Variants in ECT2L observed in about 807,000 individuals in gnomAD.
ECT2L encodes epithelial cell transforming 2 like.
ECT2L carries 126 observed loss-of-function variants against 122.8 expected under a neutral mutation model. The ratio of observed to expected loss-of-function variants is 1.03; its 90% CI spans 0.89 to 1.19. The LOEUF (loss-of-function observed/expected upper bound fraction) is 1.19, where lower values mean the gene tolerates loss of function less well. ECT2L is among the 50% of genes most tolerant of loss of function. The pLI is 0.00. For missense variants in ECT2L, 1,012 were observed against 1,064.1 expected, an observed-to-expected ratio of 0.95 and a Z score of 0.68; for synonymous variants, 385 against 381.8, an observed-to-expected ratio of 1.01 and a Z score of -0.10.
chr6:138,901,209 G>T, intron 21 of ECT2L, 89 bp downstream of exon 21: 1 of 1,332,748 alleles, frequency 7.5e-7, no homozygotes, highest in Non-Finnish European at 1.0e-6. Context: ...AAAAGGACTG[G>T]AATTATAATT....
chr6:138,855,243 C>T (rs910678371), intron 10 of ECT2L, among the ~76,000 whole-genome samples: 1 of 151,978 alleles, frequency 6.6e-6, no homozygotes, highest in Non-Finnish European at 1.5e-5. Flanking sequence ...TGTGGTGGCT[C>T]ACACCTGTAA....
chr6:138,898,877 T>C (rs1408977546), intron 20 of ECT2L, among the ~76,000 whole-genome samples: 1 of 152,128 alleles, frequency 6.6e-6, no homozygotes, highest in Non-Finnish European at 1.5e-5. Context: ...TTTTTTGATA[T>C]ACATACATAC....
At chr6:138,873,850 G>A (rs867104379) in intron 13 of ECT2L, among the ~76,000 whole-genome samples, 5 of 143,400 alleles carry the variant, frequency 3.5e-5, no homozygotes, top group Non-Finnish European at 7.5e-5. Context: ...TGTGTAATAC[G>A]GATTATCTGT....
intron 10 of ECT2L, among the ~76,000 whole-genome samples, chr6:138,854,481 C>T (rs1016566288): frequency 2.6e-5 from 4 of 152,002 alleles, no homozygotes; most frequent in Non-Finnish European, 5.9e-5. Flanking sequence ...TCATTCAATC[C>T]GAGAAAACAC....
At chr6:138,811,431 C>A (rs1238100494) in intron 1 of ECT2L, among the ~76,000 whole-genome samples, 1 of 152,176 alleles carries the variant, frequency 6.6e-6, no homozygotes, top group African/African-American at 2.4e-5. Flanking sequence ...TGAGATGTAT[C>A]CCCTTTCCCC....
chr6:138,849,889 T>G (rs1777372883), intron 9 of ECT2L, among the ~76,000 whole-genome samples: 4 of 152,128 alleles, frequency 2.6e-5, no homozygotes, highest in African/African-American at 9.7e-5. Context: ...TTTTTTCAAA[T>G]TTTGATTAAA....
chr6:138,810,954 T>G (rs1040606101), intron 1 of ECT2L, among the ~76,000 whole-genome samples: 2 of 152,190 alleles, frequency 1.3e-5, no homozygotes, highest in African/African-American at 4.8e-5. Context: ...GTTCTGCATA[T>G]GGGAAAGGAA....
chr6:138,843,721 TCTCA>T (rs1489017614), intron 6 of ECT2L, among the ~76,000 whole-genome samples: 5 of 152,090 alleles, frequency 3.3e-5, no homozygotes, highest in African/African-American at 9.7e-5. Flanking sequence ...TGAGACAGGG[TCTCA>T]CTGTCACCCA....
At chr6:138,851,776 C>T (rs956695672) in intron 9 of ECT2L, among the ~76,000 whole-genome samples, 2 of 152,118 alleles carry the variant, frequency 1.3e-5, no homozygotes, top group African/African-American at 4.8e-5. Flanking sequence ...ATTTCATTTT[C>T]ACTGTGTTGA....
intron 11 of ECT2L, 58 bp downstream of exon 11, chr6:138,862,777 C>T (rs1422439610): frequency 1.6e-5 from 23 of 1,435,348 alleles, no homozygotes; most frequent in Non-Finnish European, 2.0e-5. Context: ...TCCAGAATCA[C>T]CAAAAGACAA....
intron 1 of ECT2L, among the ~76,000 whole-genome samples, chr6:138,802,059 G>A (rs1478071582): frequency 2.0e-5 from 3 of 152,170 alleles, no homozygotes; most frequent in African/African-American, 4.8e-5. Context: ...TTGCCTGCCC[G>A]CTCTTGCTCT....
chr6:138,812,430 T>C (rs1422862624), intron 1 of ECT2L, among the ~76,000 whole-genome samples: 1 of 152,254 alleles, frequency 6.6e-6, no homozygotes, highest in Non-Finnish European at 1.5e-5. Flanking sequence ...TACATTAGCC[T>C]ATTTTATTTT....
At chr6:138,866,647 T>C (rs1488543284) in intron 12 of ECT2L, among the ~76,000 whole-genome samples, 2 of 152,212 alleles carry the variant, frequency 1.3e-5, no homozygotes, top group Non-Finnish European at 2.9e-5. Context: ...TATTAAATAA[T>C]ATATGTAGGC....
At chr6:138,856,493 A>G (rs1201559064) in intron 10 of ECT2L, among the ~76,000 whole-genome samples, 2 of 152,152 alleles carry the variant, frequency 1.3e-5, no homozygotes, top group African/African-American at 4.8e-5. Context: ...GATTACAGGC[A>G]TGAGCCACCA....
chr6:138,898,775 T>A (rs371909858), intron 20 of ECT2L, among the ~76,000 whole-genome samples: 81 of 152,296 alleles, frequency 5.3e-4, no homozygotes, highest in African/African-American at 1.9e-3. Context: ...GATAAAAATA[T>A]ACACAGCAGT....
rs113996064 is a variant in ECT2L, at chr6:138,887,972, T to A, written c.2326-971T>A. On this transcript the variant is annotated intron_variant, in intron 19 of 21. Transcript: ENST00000541398. Reference sequence around the variant, plus strand: ...TTTATTCATGAAACTGGGAGCTCCATCATGTGTGAGCTATGATTTACTTGC... The same window carrying A: ...TTTATTCATGAAACTGGGAGCTCCAACATGTGTGAGCTATGATTTACTTGC... Among the ~76,000 whole-genome samples the A allele has an allele frequency of 9.0e-3, 1,374 of 152,330 alleles. 15 individuals carry two copies. Among genetic ancestry groups the A allele is most frequent in the African/African-American group, 0.031 (1,300 of 41,580 alleles).
Position 138,843,220 on chromosome 6 carries a change from C to T in ECT2L, c.584C>T (p.Ala195Val). The change falls in exon 6 of 22, where the codon GCA (alanine) becomes GTA (valine). Residue 195 changes from alanine (A) to valine (V), a missense_variant. Ala to Val is a moderately conservative substitution (Grantham distance 64). Coordinates refer to ENST00000541398, the MANE Select transcript of ECT2L (RefSeq NM_001077706.3). ...AGGAAAAGAATTTGGGAGAAAATTG[C>T]ACTACGTAAGAGTAAGTAGCATTTT... is the stretch of plus-strand genomic sequence containing the variant. ...CLRKRIWEKI[A>V]LRKKELFKVR... The T allele has an allele frequency of 1.2e-6, 2 of 1,607,046 alleles. 1 individual carries two copies. The highest frequency in any genetic ancestry group is 2.2e-5 in the South Asian group (2 of 90,080).
intron 1 of ECT2L, among the ~76,000 whole-genome samples, chr6:138,803,106 C>G (rs1775600381): frequency 6.6e-6 from 1 of 151,154 alleles, no homozygotes; most frequent in Admixed American, 6.6e-5. Flanking sequence ...TGATAATAAC[C>G]CTGAGCCAGG....
At chr6:138,892,361 T>C (rs890223170) in intron 20 of ECT2L, among the ~76,000 whole-genome samples, 2 of 152,228 alleles carry the variant, frequency 1.3e-5, no homozygotes, top group African/African-American at 4.8e-5. Flanking sequence ...TTGTCTACTT[T>C]TTCCATTAAA....
Sources: gnomAD v4.1 joint callset for allele counts (sites outside exome capture counted in the v4.1 genomes callset) on GRCh38, gnomAD v4.1.1 for gene constraint, MANE v1.5 for transcripts, NCBI Gene and HGNC (gene_info 2026-07-23, HGNC 2026-07-21) for gene names.